Variants in PLXNC1 observed in about 807,000 individuals in gnomAD.
PLXNC1 encodes the protein plexin C1.
Under a neutral mutation model 178.2 loss-of-function variants are expected in PLXNC1, and 75 were observed. That is an observed-to-expected ratio of 0.42 (90% CI 0.35 to 0.51). The LOEUF is 0.51. Among genes scored for constraint, PLXNC1 ranks in the 20% least tolerant of loss-of-function variants. The probability of loss-of-function intolerance (pLI) is 0.02; values close to 1 mark genes in which losing one functional copy is unlikely to be tolerated. For missense variants in PLXNC1, 1,503 were observed against 1,984.4 expected, an observed-to-expected ratio of 0.76 and a Z score of 4.61; for synonymous variants, 790 against 779.9, an observed-to-expected ratio of 1.01 and a Z score of -0.22.
chr12:94,279,443 G>A, intron 21 of PLXNC1, 29 bp from the exon 22 acceptor site: 5 of 1,587,472 alleles, frequency 3.1e-6, no homozygotes, highest in Non-Finnish European at 3.4e-6. Flanking sequence ...TTATCTAATA[G>A]ACTTGGAAAC....
At chr12:94,159,578 G>GT (rs1961300904) in intron 1 of PLXNC1, among the ~76,000 whole-genome samples, 1 of 152,196 alleles carries the variant, frequency 6.6e-6, no homozygotes, top group South Asian at 2.1e-4. Flanking sequence ...GGCTAGGGAG[G>GT]TAGAGGAGAG....
intron 1 of PLXNC1, among the ~76,000 whole-genome samples, chr12:94,154,471 T>G (rs1157567193): frequency 1.3e-5 from 2 of 152,226 alleles, no homozygotes; most frequent in Admixed American, 1.3e-4. Context: ...AACTCATGAA[T>G]CCAGAGAATA....
intron 23 of PLXNC1, among the ~76,000 whole-genome samples, chr12:94,290,699 G>A (rs1011137801): frequency 6.6e-6 from 1 of 152,214 alleles, no homozygotes; most frequent in Non-Finnish European, 1.5e-5. Context: ...TGCTAGGTGG[G>A]CTAGTACATT....
chr12:94,225,066 A>G (rs1335936965), intron 7 of PLXNC1, among the ~76,000 whole-genome samples: 1 of 152,098 alleles, frequency 6.6e-6, no homozygotes, highest in Admixed American at 6.5e-5. Flanking sequence ...CCCCCTTTTC[A>G]CCATCTTTGG....
At chr12:94,278,131 T>C (rs770306565) in intron 21 of PLXNC1, 6 of 402,816 alleles carry the variant, frequency 1.5e-5, no homozygotes, top group Non-Finnish European at 2.9e-5. Context: ...TGTTAGACTC[T>C]CCGCTCCTTA....
intron 3 of PLXNC1, among the ~76,000 whole-genome samples, chr12:94,183,361 A>G (rs1962396720): frequency 6.6e-6 from 1 of 152,248 alleles, no homozygotes; most frequent in Admixed American, 6.5e-5. Context: ...TTCACCATAT[A>G]GAATCTCCTA....
At chr12:94,268,001 G>A (rs1269030358) in intron 21 of PLXNC1, among the ~76,000 whole-genome samples, 1 of 152,112 alleles carries the variant, frequency 6.6e-6, no homozygotes, top group East Asian at 1.9e-4. Flanking sequence ...TGCTGGGGAG[G>A]TGGGAGGTTG....
In PLXNC1 at chr12:94,201,901, G is replaced by A. The variant is rs78401691; in HGVS notation, c.1440-7689G>A. Among the ~76,000 whole-genome samples the A allele has an allele frequency of 4.8e-3, 728 of 151,594 alleles. 5 individuals carry two copies. Among genetic ancestry groups the A allele is most frequent in the Middle Eastern group, 0.017 (5 of 294 alleles). On this transcript the variant is annotated intron_variant, in intron 4 of 30. Transcript: ENST00000258526. ...CGTGCCTCAGCTTCCCGAGTAGCTG[G>A]GATTACAGGAATGCACCACCTCGCC... is the stretch of plus-strand genomic sequence containing the variant.
chr12:94,278,073 T>C (rs571742914), intron 21 of PLXNC1: 196 of 456,026 alleles, frequency 4.3e-4, no homozygotes, highest in African/African-American at 3.6e-3. Flanking sequence ...TCCCTCTGTC[T>C]CTGTATGGGC....
chr12:94,221,349 G>T (rs1476432814), intron 6 of PLXNC1, among the ~76,000 whole-genome samples: 1 of 152,078 alleles, frequency 6.6e-6, no homozygotes, highest in African/African-American at 2.4e-5. Flanking sequence ...GAGAGAGAAA[G>T]TGAAAGCGGA....
chr12:94,169,100 T>A, intron 1 of PLXNC1, 53 bp from the exon 2 acceptor site: 1 of 1,496,956 alleles, frequency 6.7e-7, no homozygotes, highest in South Asian at 1.2e-5. Context: ...TAATGAGAAC[T>A]ATTGTTGTTA....
At position 94,149,959 on chromosome 12, in the gene PLXNC1, C is replaced by A; in HGVS notation, c.988C>A (p.Leu330Ile). 6.3e-7 allele frequency: 1 copy of A among 1,591,396 alleles called. No homozygotes were observed. Among genetic ancestry groups the A allele is most frequent in the Non-Finnish European group, 8.5e-7 (1 of 1,170,038 alleles). The part of the protein sequence containing the change: ...RRSPTTTALC[L>I]FRMSEIQARA... ...CTCCCCCACCACCACGGCGCTCTGCCTCTTCAGAATGAGTGAGATCCAGGC... is the reference window on the plus strand; with the variant it reads ...CTCCCCCACCACCACGGCGCTCTGCATCTTCAGAATGAGTGAGATCCAGGC... Residue 330 changes from leucine to isoleucine, a missense_variant, in exon 1 of 31, where the codon CTC becomes ATC. Physicochemically the swap from Leu to Ile is conservative, Grantham distance 5. Coordinates refer to ENST00000258526, the MANE Select transcript of PLXNC1 (RefSeq NM_005761.3).
chr12:94,154,499 G>A (rs563162424), intron 1 of PLXNC1, among the ~76,000 whole-genome samples: 19 of 152,232 alleles, frequency 1.2e-4, no homozygotes, highest in African/African-American at 3.9e-4. Context: ...CAAGGAAATG[G>A]GATTCCCCAC....
intron 21 of PLXNC1, among the ~76,000 whole-genome samples, chr12:94,273,471 T>C (rs1465947390): frequency 8.5e-5 from 13 of 152,138 alleles, no homozygotes; most frequent in Admixed American, 8.5e-4. Flanking sequence ...CCTCATGAAC[T>C]ACAGCTCTTT....
chr12:94,179,102 AAGG>A (rs1962206702), intron 2 of PLXNC1, among the ~76,000 whole-genome samples: 2 of 152,214 alleles, frequency 1.3e-5, no homozygotes, highest in African/African-American at 2.4e-5. Context: ...AGGTCCTGGA[AAGG>A]AGAAGTGAAT....
At chr12:94,183,783 T>G (rs1156440957) in intron 3 of PLXNC1, among the ~76,000 whole-genome samples, 5 of 152,180 alleles carry the variant, frequency 3.3e-5, no homozygotes, top group African/African-American at 1.2e-4. Context: ...AGTTCTAGCC[T>G]CTGATCATTC....
chr12:94,273,058 A>G (rs1239279846), intron 21 of PLXNC1, among the ~76,000 whole-genome samples: 2 of 152,166 alleles, frequency 1.3e-5, no homozygotes, highest in African/African-American at 2.4e-5. Flanking sequence ...ACATGCTTCT[A>G]AATCTCTCTG....
intron 1 of PLXNC1, among the ~76,000 whole-genome samples, chr12:94,162,638 G>A (rs1445262780): frequency 2.6e-5 from 4 of 152,174 alleles, no homozygotes; most frequent in Non-Finnish European, 5.9e-5. Flanking sequence ...GGGCTGAATA[G>A]AGCCTGTAGA....
chr12:94,291,030 G>A (rs577718659), intron 23 of PLXNC1, among the ~76,000 whole-genome samples: 58 of 152,296 alleles, frequency 3.8e-4, no homozygotes, highest in African/African-American at 1.3e-3. Context: ...CCCTTTGCCC[G>A]AAGGGCACTT....
Sources: gnomAD v4.1 joint callset for allele counts (sites outside exome capture counted in the v4.1 genomes callset) on GRCh38, gnomAD v4.1.1 for gene constraint, MANE v1.5 for transcripts, NCBI Gene and HGNC (gene_info 2026-07-23, HGNC 2026-07-21) for gene names.